Variants in RCOR1 observed in about 807,000 individuals in gnomAD.
The protein encoded by RCOR1 is REST corepressor 1.
RCOR1 carries 12 observed loss-of-function variants against 64.0 expected under a neutral mutation model. That is an observed-to-expected ratio of 0.19 (90% CI 0.12 to 0.30). RCOR1 has a LOEUF of 0.30. Among genes scored for constraint, RCOR1 ranks in the 10% least tolerant of loss-of-function variants. The probability of loss-of-function intolerance (pLI) is 1.00; values close to 1 mark genes in which losing one functional copy is unlikely to be tolerated. For missense variants in RCOR1, 502 were observed against 621.2 expected, an observed-to-expected ratio of 0.81 and a Z score of 2.04; for synonymous variants, 279 against 227.2, an observed-to-expected ratio of 1.23 and a Z score of -2.05.
chr14:102,708,071 T>C (rs1329665508), intron 5 of RCOR1, among the ~76,000 whole-genome samples: 1 of 152,040 alleles, frequency 6.6e-6, no homozygotes, highest in Non-Finnish European at 1.5e-5. Flanking sequence ...GTTCACGCCA[T>C]TCTCCTGTCT....
chr14:102,601,331 A>G (rs1395423434), intron 2 of RCOR1, among the ~76,000 whole-genome samples: 1 of 152,204 alleles, frequency 6.6e-6, no homozygotes, highest in Non-Finnish European at 1.5e-5. Flanking sequence ...ATTTAATACT[A>G]GGCAATATTT....
chr14:102,596,649 C>T (rs1893255763), intron 2 of RCOR1, among the ~76,000 whole-genome samples: 1 of 151,974 alleles, frequency 6.6e-6, no homozygotes, highest in Non-Finnish European at 1.5e-5. Flanking sequence ...ACTGCAACCT[C>T]CACCTCCGAG....
intron 2 of RCOR1, among the ~76,000 whole-genome samples, chr14:102,680,688 C>G (rs749367549): frequency 6.6e-6 from 1 of 151,978 alleles, no homozygotes; most frequent in Admixed American, 6.6e-5. Flanking sequence ...ACCTGTAGTC[C>G]CAGCTACTCA....
intron 2 of RCOR1, among the ~76,000 whole-genome samples, chr14:102,609,604 T>G (rs537254957): frequency 2.2e-4 from 34 of 151,800 alleles, no homozygotes; most frequent in African/African-American, 7.7e-4. Context: ...CAAGTGTGGC[T>G]AATTTTTTTT....
chr14:102,619,473 C>T (rs1893828132), intron 2 of RCOR1, among the ~76,000 whole-genome samples: 2 of 131,182 alleles, frequency 1.5e-5, no homozygotes, highest in African/African-American at 3.0e-5. Flanking sequence ...TCTATCTAAT[C>T]TTTTTTTTTT....
chr14:102,659,311 A>G (rs1407879340), intron 2 of RCOR1: 1 of 975,390 alleles, frequency 1.0e-6, no homozygotes, highest in African/African-American at 1.8e-5. Flanking sequence ...CAGCATTTAT[A>G]AATAGTGAGG....
At chr14:102,659,184 A>G in intron 2 of RCOR1, 1 of 984,620 alleles carries the variant, frequency 1.0e-6, no homozygotes, top group Non-Finnish European at 1.2e-6. Flanking sequence ...TTTAGATAAA[A>G]TCTCCATAAA....
chr14:102,596,447 G>A (rs1893250166), intron 2 of RCOR1, among the ~76,000 whole-genome samples: 1 of 152,212 alleles, frequency 6.6e-6, no homozygotes, highest in Non-Finnish European at 1.5e-5. Context: ...AGCTGTTTAA[G>A]ACTTAAGACA....
At chr14:102,603,986 G>A (rs113381339) in intron 2 of RCOR1, among the ~76,000 whole-genome samples, 1 of 152,010 alleles carries the variant, frequency 6.6e-6, no homozygotes, top group Non-Finnish European at 1.5e-5. Context: ...TGTGTGTTGC[G>A]GGGAGGAGGA....
At chr14:102,611,789 C>T (rs931526410) in intron 2 of RCOR1, among the ~76,000 whole-genome samples, 7 of 152,104 alleles carry the variant, frequency 4.6e-5, no homozygotes, top group African/African-American at 1.7e-4. Context: ...TCTTCCTGTT[C>T]CCATGTGAGC....
intron 2 of RCOR1, among the ~76,000 whole-genome samples, chr14:102,625,266 TTCAC>T (rs1390049750): frequency 6.1e-5 from 9 of 146,744 alleles, no homozygotes; most frequent in Non-Finnish European, 1.4e-4. Flanking sequence ...GAGGCAGAGT[TTCAC>T]TCGTTCCCAG....
chr14:102,657,521 T>C (rs921070842), intron 2 of RCOR1: 10 of 983,192 alleles, frequency 1.0e-5, no homozygotes, highest in Non-Finnish European at 1.1e-5. Context: ...TAAATATCAT[T>C]TTACATGTTT....
intron 11 of RCOR1, among the ~76,000 whole-genome samples, chr14:102,725,317 G>T (rs1266832101): frequency 6.6e-6 from 1 of 152,214 alleles, no homozygotes; most frequent in East Asian, 1.9e-4. Flanking sequence ...GCAATGAGAT[G>T]CCATGAGCAT....
chr14:102,679,490 T>C (rs1236200746), intron 2 of RCOR1, among the ~76,000 whole-genome samples: 1 of 151,760 alleles, frequency 6.6e-6, no homozygotes, highest in Non-Finnish European at 1.5e-5. Context: ...TTTTCTTTTT[T>C]TTTTTTGAGA....
At chr14:102,692,948 T>C (rs1238115420) in intron 3 of RCOR1, among the ~76,000 whole-genome samples, 1 of 151,966 alleles carries the variant, frequency 6.6e-6, no homozygotes, top group Admixed American at 6.6e-5. Context: ...ATATTTTTAG[T>C]AGAGTTGGGG....
intron 2 of RCOR1, among the ~76,000 whole-genome samples, chr14:102,617,888 C>G (rs1388908178): frequency 6.7e-6 from 1 of 150,256 alleles, no homozygotes; most frequent in Non-Finnish European, 1.5e-5. Context: ...GTGCCTGGCC[C>G]AAGACTCTAT....
intron 2 of RCOR1, among the ~76,000 whole-genome samples, chr14:102,635,048 G>A (rs1426993990): frequency 6.6e-6 from 1 of 151,768 alleles, no homozygotes; most frequent in African/African-American, 2.4e-5. Flanking sequence ...TGGCCTGGTT[G>A]GTCTTGAACT....
At chr14:102,678,296 CTTTT>C (rs751278216) in intron 2 of RCOR1, among the ~76,000 whole-genome samples, 1 of 151,568 alleles carries the variant, frequency 6.6e-6, no homozygotes, top group Non-Finnish European at 1.5e-5. Context: ...TGTGCAGGTG[CTTTT>C]TTTTGTTTGT....
intron 2 of RCOR1, among the ~76,000 whole-genome samples, chr14:102,676,898 C>T (rs1376381903): frequency 6.1e-5 from 6 of 98,550 alleles, no homozygotes; most frequent in South Asian, 3.5e-4. Flanking sequence ...GCTGGCCGGG[C>T]GGGGGGCTGA....
Sources: gnomAD v4.1 joint callset for allele counts (sites outside exome capture counted in the v4.1 genomes callset) on GRCh38, gnomAD v4.1.1 for gene constraint, MANE v1.5 for transcripts, NCBI Gene and HGNC (gene_info 2026-07-23, HGNC 2026-07-21) for gene names.